ARID4B: variants seen among roughly 807,000 people sequenced by gnomAD.
ARID4B encodes AT-rich interactive domain-containing protein 4B.
ARID4B carries 26 observed loss-of-function variants against 147.5 expected under a neutral mutation model. The observed-to-expected ratio is 0.18, with a 90% confidence interval of 0.13 to 0.24. The LOEUF (loss-of-function observed/expected upper bound fraction) is 0.24, where lower values mean the gene tolerates loss of function less well. ARID4B is among the 10% of genes least tolerant of loss of function. The probability of loss-of-function intolerance (pLI) is 1.00; values close to 1 mark genes in which losing one functional copy is unlikely to be tolerated. For synonymous variants in ARID4B, 512 were observed against 507.9 expected, an observed-to-expected ratio of 1.01 and a Z score of -0.11; for missense variants, 1,179 against 1,511.5, an observed-to-expected ratio of 0.78 and a Z score of 3.65.
intron 2 of ARID4B, among the ~76,000 whole-genome samples, chr1:235,326,168 C>G (rs1425594755): frequency 6.6e-6 from 1 of 151,738 alleles, no homozygotes; most frequent in Non-Finnish European, 1.5e-5. Flanking sequence ...AAAAAGACAG[C>G]ATTCATATAC....
chr1:235,320,253 C>A (rs1021182730), intron 2 of ARID4B, among the ~76,000 whole-genome samples: 3 of 152,088 alleles, frequency 2.0e-5, no homozygotes, highest in African/African-American at 7.2e-5. Flanking sequence ...TGCAGTGAGC[C>A]GAGATCACAT....
chr1:235,223,894 C>T (rs1319626570), intron 12 of ARID4B, among the ~76,000 whole-genome samples: 1 of 151,872 alleles, frequency 6.6e-6, no homozygotes, highest in Admixed American at 6.6e-5. Flanking sequence ...TTTCATTTAT[C>T]TTATACAAGA....
At chr1:235,179,525 CA>C (rs61143006) in intron 20 of ARID4B, among the ~76,000 whole-genome samples, 157 of 48,322 alleles carry the variant, frequency 3.2e-3, no homozygotes, top group East Asian at 0.013. Context: ...CTCTATGTCT[CA>C]AAAAAAAAAA....
chr1:235,216,816 C>T (rs1213525294), intron 16 of ARID4B, among the ~76,000 whole-genome samples: 1 of 151,602 alleles, frequency 6.6e-6, no homozygotes, highest in Non-Finnish European at 1.5e-5. Context: ...TGAAAGAATA[C>T]TTGCCTAAGT....
At chr1:235,220,664 AT>A in intron 14 of ARID4B, 119 bp from the exon 15 acceptor site, 1 of 803,562 alleles carries the variant, frequency 1.2e-6, no homozygotes, top group Non-Finnish European at 1.8e-6. Flanking sequence ...CCATATTAAC[AT>A]TCTAATTTAT....
intron 7 of ARID4B, among the ~76,000 whole-genome samples, chr1:235,243,479 C>A (rs1417067346): frequency 6.6e-6 from 1 of 152,056 alleles, no homozygotes; most frequent in African/African-American, 2.4e-5. Flanking sequence ...CAAAATAATG[C>A]GCTGTCTCTA....
At chr1:235,259,794 G>A (rs1412565243) in intron 3 of ARID4B, among the ~76,000 whole-genome samples, 1 of 152,140 alleles carries the variant, frequency 6.6e-6, no homozygotes, top group Non-Finnish European at 1.5e-5. Flanking sequence ...AAAAGCTCCA[G>A]AAGAGACTGA....
At position 235,220,228 on chromosome 1, in the gene ARID4B, G is replaced by A. The variant is rs1173968932; in HGVS notation, c.1407+74C>T. On this transcript the variant is annotated intron_variant, in intron 15 of 23. Coordinates refer to ENST00000264183, the MANE Select transcript of ARID4B (RefSeq NM_016374.6). ...AAAGAATAATATTATACAATATATT[G>A]ATTTTGGAACTTTATAGAGGATATG... 9 of 1,334,788 alleles carry A rather than the reference G, an allele frequency of 6.7e-6. No homozygotes were observed. In the African/African-American group the frequency reaches 1.3e-4, roughly 20 times the overall value. 82.7% of individuals were successfully genotyped at this position (1,334,788 alleles called of 1,614,324 possible).
intron 3 of ARID4B, among the ~76,000 whole-genome samples, chr1:235,258,043 A>C (rs984953044): frequency 3.3e-5 from 5 of 152,116 alleles, no homozygotes; most frequent in Admixed American, 2.6e-4. Context: ...AAGAAAACTG[A>C]GAAACAGGCC....
chr1:235,258,555 A>T (rs1670119344), intron 3 of ARID4B, among the ~76,000 whole-genome samples: 1 of 152,232 alleles, frequency 6.6e-6, no homozygotes, highest in South Asian at 2.1e-4. Context: ...GGTGAAAAAC[A>T]AGATAGCTTC....
At chr1:235,226,986 G>A (rs759929517) in intron 11 of ARID4B, among the ~76,000 whole-genome samples, 2 of 152,144 alleles carry the variant, frequency 1.3e-5, no homozygotes, top group Non-Finnish European at 2.9e-5. Context: ...TAGTAGTTTA[G>A]ACTAGCAAAT....
At chr1:235,233,426 C>G (rs1215244756) in intron 9 of ARID4B, among the ~76,000 whole-genome samples, 2 of 151,824 alleles carry the variant, frequency 1.3e-5, no homozygotes, top group East Asian at 3.9e-4. Flanking sequence ...GAGTGAGACC[C>G]TCACCAAAAA....
intron 17 of ARID4B, among the ~76,000 whole-genome samples, chr1:235,213,037 A>G (rs1429491424): frequency 2.0e-5 from 3 of 152,220 alleles, no homozygotes. Flanking sequence ...AACTGAATGA[A>G]TAGATCCCAA....
Position 235,182,108 on chromosome 1 carries a change from T to C in ARID4B, c.2811A>G (p.Lys937=). The C allele has an allele frequency of 1.2e-6, 2 of 1,614,198 alleles. No individual in the cohort carries two copies. Among genetic ancestry groups the C allele is most frequent in the Non-Finnish European group, 1.7e-6 (2 of 1,180,040 alleles). The change falls in exon 20 of 24, where the codon AAA becomes AAG. Residue 937 remains lysine, a synonymous_variant. Transcript: ENST00000264183. ...VWSSIQGQWP[K]KTLKELFSDS... Reference sequence around the variant, plus strand: ...CTGAAAAAAGCTCTTTCAGCGTTTTTTTAGGCCACTGTCCCTGAATACTTG... The same window carrying C: ...CTGAAAAAAGCTCTTTCAGCGTTTTCTTAGGCCACTGTCCCTGAATACTTG...
chr1:235,238,631 A>G (rs2103067975), intron 8 of ARID4B, among the ~76,000 whole-genome samples: 1 of 152,296 alleles, frequency 6.6e-6, no homozygotes, highest in African/African-American at 2.4e-5. Context: ...CAAGGTGGGA[A>G]GGTCACTTGA....
intron 2 of ARID4B, among the ~76,000 whole-genome samples, chr1:235,269,930 G>C (rs778983730): frequency 5.9e-5 from 9 of 151,682 alleles, no homozygotes; most frequent in Non-Finnish European, 1.0e-4. Flanking sequence ...GCTCATTTTT[G>C]TTTTTGTTTT....
At chr1:235,175,492 T>C in intron 21 of ARID4B, 93 bp from the exon 22 acceptor site, 1 of 1,045,878 alleles carries the variant, frequency 9.6e-7, no homozygotes, top group East Asian at 2.5e-5. Flanking sequence ...CATTTGAATT[T>C]AGTCCTACAG....
At chr1:235,293,982 G>C (rs1305613390) in intron 2 of ARID4B, among the ~76,000 whole-genome samples, 1 of 152,014 alleles carries the variant, frequency 6.6e-6, no homozygotes, top group Non-Finnish European at 1.5e-5. Flanking sequence ...AATTGGAGGG[G>C]GTGGACTACA....
chr1:235,310,913 C>T (rs1674000990), intron 2 of ARID4B, among the ~76,000 whole-genome samples: 1 of 152,078 alleles, frequency 6.6e-6, no homozygotes, highest in Non-Finnish European at 1.5e-5. Context: ...TCAAGTAATC[C>T]ACCCATATCA....
Sources: gnomAD v4.1 joint callset for allele counts (sites outside exome capture counted in the v4.1 genomes callset) on GRCh38, gnomAD v4.1.1 for gene constraint, MANE v1.5 for transcripts, NCBI Gene and HGNC (gene_info 2026-07-23, HGNC 2026-07-21) for gene names.